The following XCR1 variants were observed in gnomAD, a reference collection of about 807,000 sequenced individuals.
XCR1 encodes the protein X-C motif chemokine receptor 1.
For synonymous variants in XCR1, 187 were observed against 188.5 expected, an observed-to-expected ratio of 0.99 and a Z score of 0.06; for missense variants, 356 against 424.2, an observed-to-expected ratio of 0.84 and a Z score of 1.41.
chr3:46,056,814 C>T (rs939315789), intron 4 of XCR1, among the ~76,000 whole-genome samples: 1 of 152,062 alleles, frequency 6.6e-6, no homozygotes, highest in African/African-American at 2.4e-5. Context: ...GTTAAACAAA[C>T]ACCCATGTGT....
chr3:46,047,997 C>A (rs1697667881), intron 5 of XCR1, among the ~76,000 whole-genome samples: 1 of 152,132 alleles, frequency 6.6e-6, no homozygotes, highest in African/African-American at 2.4e-5. Context: ...ATTAGCACAC[C>A]AGTTACGTTA....
intron 1 of XCR1, among the ~76,000 whole-genome samples, chr3:46,025,443 CA>C (rs1172015533): frequency 1.3e-5 from 2 of 151,518 alleles, no homozygotes; most frequent in Non-Finnish European, 2.9e-5. Flanking sequence ...AGAGAAAGAC[CA>C]AAAAATTGAT....
At chr3:46,072,635 C>T (rs1168414610) in intron 3 of XCR1, among the ~76,000 whole-genome samples, 1 of 152,094 alleles carries the variant, frequency 6.6e-6, no homozygotes, top group Non-Finnish European at 1.5e-5. Context: ...AATAAAAGGA[C>T]AAATATCTCA....
intron 5 of XCR1, among the ~76,000 whole-genome samples, chr3:46,048,691 T>G (rs760198651): frequency 6.6e-6 from 1 of 152,230 alleles, no homozygotes; most frequent in Non-Finnish European, 1.5e-5. Context: ...ATTGTCCTTC[T>G]TCCAGGGATT....
chr3:46,085,220 A>C (rs1182534387), intron 1 of XCR1, among the ~76,000 whole-genome samples: 1 of 151,974 alleles, frequency 6.6e-6, no homozygotes, highest in Admixed American at 6.6e-5. Context: ...TTAAAAAAAA[A>C]AAAAAAAGGT....
chr3:46,065,340 C>T (rs1186968384), intron 4 of XCR1, among the ~76,000 whole-genome samples: 1 of 152,148 alleles, frequency 6.6e-6, no homozygotes, highest in Non-Finnish European at 1.5e-5. Flanking sequence ...GGACTGTTAC[C>T]TGCAGGAGTC....
intron 4 of XCR1, among the ~76,000 whole-genome samples, chr3:46,059,106 C>T (rs2036294): frequency 0.092 from 13,922 of 152,104 alleles, 2,173 homozygotes; most frequent in African/African-American, 0.32. Flanking sequence ...GAGACAGGCC[C>T]GAGCCAGCCT....
chr3:46,022,698 A>C (rs532763828), intron 1 of XCR1, among the ~76,000 whole-genome samples: 3 of 152,348 alleles, frequency 2.0e-5, no homozygotes, highest in East Asian at 3.9e-4. Flanking sequence ...ATAAAACTTA[A>C]ATGCTTGTTA....
In XCR1 at chr3:46,063,261, T is replaced by A. The variant is rs1697999122; in HGVS notation, c.-183+3638A>T. Among the ~76,000 whole-genome samples, 3 of 152,130 alleles carry A rather than the reference T, an allele frequency of 2.0e-5. No individual in the cohort carries two copies. In the South Asian group the frequency reaches 6.2e-4, roughly 31 times the overall value. The stretch of plus-strand genomic sequence containing the variant: ...AAGGGATGGTAAAGTATCCCTGATC[T>A]AACAATAGTGGGAAGCTGCTACTAA... On this transcript the variant is annotated intron_variant, in intron 4 of 5. Coordinates refer to the XCR1 transcript ENST00000683768.
At position 46,017,251 on chromosome 3, in the gene XCR1, G is replaced by C. The variant is rs1708059368; in HGVS notation, c.*3695C>G. 6.6e-6 allele frequency: 1 copy of C among 152,186 alleles called. No homozygotes were observed. Among genetic ancestry groups the C allele is most frequent in the Non-Finnish European group, 1.5e-5 (1 of 68,040 alleles). 9.4% of individuals were successfully genotyped at this position (152,186 alleles called of 1,614,324 possible). On this transcript the variant is annotated 3_prime_UTR_variant, in exon 2 of 2. Transcript: ENST00000309285. Reference sequence around the variant, plus strand: ...AGCTTGGATTTGGAGTTTAGGTCCAGGGCTCAAATGTCATTCGACTCCACA... The same window carrying C: ...AGCTTGGATTTGGAGTTTAGGTCCACGGCTCAAATGTCATTCGACTCCACA...
intron 1 of XCR1, among the ~76,000 whole-genome samples, chr3:46,085,211 T>TA (rs11294019): frequency 8.7e-4 from 119 of 137,338 alleles, no homozygotes; most frequent in South Asian, 7.7e-3. Flanking sequence ...CATATATTAT[T>TA]AAAAAAAAAA....
rs1292575137 is a variant in XCR1, at chr3:46,021,260, T to C, written c.688A>G (p.Ile230Val). Reference protein sequence around the residue: ...RHRTVKLIFAIVVAYFLSWGP... With the variant: ...RHRTVKLIFAVVVAYFLSWGP... ...CAGCTGAGGAAGTAGGCCACCACGATGGCGAAGATGAGCTTGACCGTGCGG... is the reference window on the plus strand; with the variant it reads ...CAGCTGAGGAAGTAGGCCACCACGACGGCGAAGATGAGCTTGACCGTGCGG... Residue 230 changes from isoleucine to valine, a missense_variant, in exon 2 of 2, where the codon ATC becomes GTC. Coordinates refer to ENST00000309285, the MANE Select transcript of XCR1 (RefSeq NM_001024644.2). This position sits in a 1 kb window ranked among gnomAD's most constrained non-coding sequence, Gnocchi z 4.7. 15 of 1,614,180 alleles carry C rather than the reference T, an allele frequency of 9.3e-6. No individual in the cohort carries two copies. Among genetic ancestry groups the C allele is most frequent in the South Asian group, 3.3e-5 (3 of 91,082 alleles).
chr3:46,034,124 C>T (rs983849742), intron 5 of XCR1, among the ~76,000 whole-genome samples: 2 of 152,088 alleles, frequency 1.3e-5, no homozygotes, highest in Admixed American at 6.5e-5. Context: ...AGGTGCCTGC[C>T]CTCATGCCCA....
intron 5 of XCR1, among the ~76,000 whole-genome samples, chr3:46,045,264 C>CA (rs144378534): frequency 2.5e-4 from 37 of 149,966 alleles, no homozygotes; most frequent in Admixed American, 1.3e-4. Context: ...ACCAAAAATA[C>CA]AAAAAAAAAT....
In XCR1 at chr3:46,061,704, G is replaced by A. The variant is rs146512432; in HGVS notation, c.-183+5195C>T. On this transcript the variant is annotated intron_variant, in intron 4 of 5. Transcript: ENST00000683768. ...AGCTGGAGCCTGGGGTCCTGCGAGG[G>A]GAAAGGAATATGGGGAGTTAGAGGT... Among the ~76,000 whole-genome samples, 56 of 152,242 alleles carry A rather than the reference G, an allele frequency of 3.7e-4. No homozygotes were observed. In the East Asian group the frequency reaches 0.01, roughly 27 times the overall value.
chr3:46,070,999 G>T (rs547825497), intron 3 of XCR1, among the ~76,000 whole-genome samples: 1 of 152,078 alleles, frequency 6.6e-6, no homozygotes, highest in Non-Finnish European at 1.5e-5. Flanking sequence ...CCAACCTTTT[G>T]TTTCCATCTT....
rs147761064 is a variant in XCR1 at position 46,085,623 on chromosome 3, C to G, written c.-515+171G>C. On this transcript the variant is annotated intron_variant, in intron 1 of 5. Transcript: ENST00000683768. ...TCACTCCCAAGGTCAGGAGTCTGGC[C>G]TTGGCCTGGCTCACTGATCTGCCTG... is the stretch of plus-strand genomic sequence containing the variant. 1.9e-3 allele frequency among the ~76,000 whole-genome samples: 296 copies of G among 152,360 alleles called. 2 individuals are homozygous for G. The highest frequency in any genetic ancestry group is 6.9e-3 in the African/African-American group (288 of 41,586).
chr3:46,076,162 C>T (rs1430973418), intron 2 of XCR1, among the ~76,000 whole-genome samples: 1 of 152,232 alleles, frequency 6.6e-6, no homozygotes, highest in Admixed American at 6.5e-5. Context: ...TTAAGAACCA[C>T]TGCCCAGGGG....
Position 46,021,053 on chromosome 3 carries a change from T to G in XCR1, c.895A>C (p.Lys299Gln). 4 of 1,614,136 alleles carry G rather than the reference T, an allele frequency of 2.5e-6. No individual in the cohort carries two copies. In the East Asian group the frequency reaches 8.9e-5, roughly 36 times the overall value. Reference sequence around the variant, plus strand: ...AACCAGAACTGCCGGAGAACATGTTTCAGGTGTGTGCGGAACTTGACCCCC... The same window carrying G: ...AACCAGAACTGCCGGAGAACATGTTGCAGGTGTGTGCGGAACTTGACCCCC... ...FVGVKFRTHLKHVLRQFWFCR... is the reference protein window; with the variant it reads ...FVGVKFRTHLQHVLRQFWFCR... Residue 299 changes from lysine (K) to glutamine (Q), a missense_variant, in exon 2 of 2, where the codon AAA becomes CAA. By Grantham distance (53) the Lys-to-Gln change is moderately conservative. Transcript: ENST00000309285. The surrounding 1 kb of genome is among the most constrained non-coding windows in gnomAD (Gnocchi z 4.7).
Sources: allele counts gnomAD v4.1 joint callset (sites outside exome capture counted in the v4.1 genomes callset), GRCh38; gene constraint gnomAD v4.1.1; non-coding constraint Gnocchi (gnomAD v3.1); transcripts MANE v1.5; gene names NCBI Gene and HGNC (gene_info 2026-07-23, HGNC 2026-07-21).